Variants in KIF5A observed in about 807,000 individuals in gnomAD.
KIF5A encodes kinesin family member 5A, also known as kinesin heavy chain isoform 5A.
In KIF5A, 35 loss-of-function variants were observed where a neutral mutation model predicts 141.3. The ratio of observed to expected loss-of-function variants is 0.25; its 90% CI spans 0.19 to 0.33. The LOEUF is 0.33. Among genes scored for constraint, KIF5A ranks in the 10% least tolerant of loss-of-function variants. The pLI is 1.00. For synonymous variants in KIF5A, 448 were observed against 500.2 expected (o/e 0.90, Z 1.39); for missense variants, 861 against 1,314.3 (o/e 0.66, Z 5.33).
At chr12:57,575,581 T>C in intron 16 of KIF5A, 59 bp from the exon 17 acceptor site, 1 of 1,364,862 alleles carries the variant, frequency 7.3e-7, no homozygotes, top group South Asian at 1.2e-5. Flanking sequence ...GAGATCTGTG[T>C]GGCCTGGGTT....
At chr12:57,553,998 T>C (rs1407266450) in intron 1 of KIF5A, among the ~76,000 whole-genome samples, 7 of 152,156 alleles carry the variant, frequency 4.6e-5, no homozygotes, top group Non-Finnish European at 8.8e-5. Context: ...CAGAATTACA[T>C]ACTTCTGAAA....
At chr12:57,581,631 G>A (rs1195836055) in intron 25 of KIF5A, 63 bp downstream of exon 25, 2 of 1,571,040 alleles carry the variant, frequency 1.3e-6, no homozygotes, top group African/African-American at 1.4e-5. Flanking sequence ...AGAAGGCATA[G>A]GGTGGGGGCA....
intron 13 of KIF5A, 123 bp downstream of exon 13, chr12:57,571,512 CCT>C: frequency 1.1e-6 from 1 of 895,280 alleles, no homozygotes; most frequent in Non-Finnish European, 1.8e-6. Context: ...TAATCACTCC[CCT>C]AAACAGCAGA....
chr12:57,568,738 A>AT (rs947059069), intron 8 of KIF5A, among the ~76,000 whole-genome samples: 9 of 151,526 alleles, frequency 5.9e-5, no homozygotes, highest in African/African-American at 1.9e-4. Context: ...AAAAAAAAAA[A>AT]GGAATCATGT....
intron 28 of KIF5A, among the ~76,000 whole-genome samples, chr12:57,583,720 G>A (rs1882675880): frequency 6.6e-6 from 1 of 152,194 alleles, no homozygotes; most frequent in South Asian, 2.1e-4. Flanking sequence ...CCACCAGTAA[G>A]CTTTAGGAAA....
intron 13 of KIF5A, 83 bp from the exon 14 acceptor site, chr12:57,571,978 G>C: frequency 8.8e-7 from 1 of 1,133,304 alleles, no homozygotes. Context: ...TGGGTAGGGT[G>C]GGGGCTCAGC....
chr12:57,553,762 A>G (rs2140152629), intron 1 of KIF5A, among the ~76,000 whole-genome samples: 1 of 152,290 alleles, frequency 6.6e-6, no homozygotes, highest in East Asian at 1.9e-4. Context: ...AGGAGACACC[A>G]GGGAGGCTCG....
intron 1 of KIF5A, among the ~76,000 whole-genome samples, chr12:57,560,557 G>A (rs1484630117): frequency 6.6e-6 from 1 of 152,178 alleles, no homozygotes; most frequent in Non-Finnish European, 1.5e-5. Flanking sequence ...TTTGAGAGGT[G>A]AAAAGAAATT....
rs1236506833 is a variant in KIF5A at position 57,581,951 on chromosome 12, T to C, written c.2991T>C (p.Asn997=). 6.2e-7 allele frequency: 1 copy of C among 1,613,510 alleles called. No individual in the cohort carries two copies. Among genetic ancestry groups the C allele is most frequent in the Non-Finnish European group, 8.5e-7 (1 of 1,179,562 alleles). Residue 997 remains asparagine, a splice_region_variant and synonymous_variant, in exon 26 of 29, where the codon AAT becomes AAC. Transcript: ENST00000455537. ...LASYQKANMD[N]GNATDINDNR... ...CCTACCAGAAGGCCAACATGGACAA[T>C]GGTGAGTGAAAAAGATGGGTAATCC...
intron 8 of KIF5A, 84 bp downstream of exon 8, chr12:57,567,702 C>T: frequency 7.0e-7 from 1 of 1,432,502 alleles, no homozygotes; most frequent in Non-Finnish European, 9.2e-7. Context: ...ACTCTGTCGC[C>T]CGGGCTGGTT....
Position 57,563,435 on chromosome 12 carries a change from C to A in KIF5A, c.130-4C>A, listed in dbSNP as rs1881971388. 9 of 1,607,244 alleles carry A rather than the reference C, an allele frequency of 5.6e-6. No homozygotes were observed. Among genetic ancestry groups the A allele is most frequent in the Non-Finnish European group, 7.7e-6 (9 of 1,173,888 alleles). ...ACGTCTGATATCTTTTATTTTCATT[C>A]CAGGGGAAGCCATATGTTTTTGACC... is the stretch of plus-strand genomic sequence containing the variant. On this transcript the variant is annotated splice_polypyrimidine_tract_variant and splice_region_variant and intron_variant, in intron 1 of 28. Transcript: ENST00000455537.
intron 1 of KIF5A, among the ~76,000 whole-genome samples, chr12:57,552,885 T>C (rs1225184384): frequency 6.6e-6 from 1 of 152,070 alleles, no homozygotes; most frequent in African/African-American, 2.4e-5. Flanking sequence ...AGCGCTGAGC[T>C]TCAGAGTCCC....
rs1230110817 is a variant in KIF5A, at chr12:57,550,496, C to G, written c.129+96C>G. On this transcript the variant is annotated intron_variant, in intron 1 of 28. Coordinates refer to ENST00000455537, the MANE Select transcript of KIF5A (RefSeq NM_004984.4). This position sits in a 1 kb window ranked among gnomAD's most constrained non-coding sequence, Gnocchi z 4.6. ...TAGTCTCTGCTGGTCCCTTTGCTCC[C>G]CCTCCCCGCCGCTCATCCTTCATCC... 3.1e-6 allele frequency: 4 copies of G among 1,273,052 alleles called. 1 individual carries two copies. Among genetic ancestry groups the G allele is most frequent in the African/African-American group, 2.9e-5 (2 of 68,442 alleles). The allele number at this position is 1,273,052 out of a possible 1,614,324, so 78.9% of individuals were successfully genotyped here.
chr12:57,581,009 A>G lies in KIF5A; in HGVS notation c.2592A>G (p.Arg864=). 6.2e-7 allele frequency: 1 copy of G among 1,614,058 alleles called. No homozygotes were observed. The highest frequency in any genetic ancestry group is 1.1e-5 in the South Asian group (1 of 91,072). The change falls in exon 24 of 29, where the codon CGA becomes CGG. Residue 864 remains arginine, a synonymous_variant. Transcript: ENST00000455537. ...LRCELPKLEK[R]LRATAERVKA... is the part of the protein sequence containing the mutation. ...GTGAGCTTCCTAAATTGGAAAAACGACTTAGGGCTACGGCTGAGAGAGTTA... is the reference window on the plus strand; with the variant it reads ...GTGAGCTTCCTAAATTGGAAAAACGGCTTAGGGCTACGGCTGAGAGAGTTA...
chr12:57,571,260 T>A (rs1882246147), intron 12 of KIF5A, 61 bp from the exon 13 acceptor site: 1 of 1,042,488 alleles, frequency 9.6e-7, no homozygotes, highest in Non-Finnish European at 1.5e-6. Context: ...CCCAAACTTC[T>A]TACGTCTAAA....
chr12:57,550,455 GC>G lies in KIF5A; in HGVS notation c.129+61del. 1 of 1,586,054 alleles carries G rather than the reference GC, an allele frequency of 6.3e-7. No individual in the cohort carries two copies. The highest frequency in any genetic ancestry group is 2.2e-5 in the East Asian group (1 of 44,552). On this transcript the variant is annotated intron_variant, in intron 1 of 28. Transcript: ENST00000455537. This position sits in a 1 kb window ranked among gnomAD's most constrained non-coding sequence, Gnocchi z 4.6. ...AGGGGGCAGGTGGCTGAATCTCCCC[GC>G]CCCCCGCAGAGCCTTAGTCTCTGCT... is the stretch of plus-strand genomic sequence containing the variant.
chr12:57,571,425 G>T (rs1882252015), intron 13 of KIF5A, 36 bp downstream of exon 13: 1 of 1,609,708 alleles, frequency 6.2e-7, no homozygotes, highest in Non-Finnish European at 8.5e-7. Context: ...AGAGGAAAGG[G>T]GTTCTGTTCA....
Position 57,572,008 on chromosome 12 carries a change from A to G in KIF5A, c.1363-53A>G. The G allele has an allele frequency of 4.6e-6, 7 of 1,512,938 alleles. No homozygotes were observed. Among genetic ancestry groups the G allele is most frequent in the Non-Finnish European group, 5.5e-6 (6 of 1,096,222 alleles). 93.7% of individuals were successfully genotyped at this position (1,512,938 alleles called of 1,614,324 possible). ...CTCAGCTTCCCAGACCCAAGGCCATAGAAATGGTCACTGGCAGTGATCTTT... is the reference window on the plus strand; with the variant it reads ...CTCAGCTTCCCAGACCCAAGGCCATGGAAATGGTCACTGGCAGTGATCTTT... On this transcript the variant is annotated intron_variant, in intron 13 of 28. Coordinates refer to ENST00000455537, the MANE Select transcript of KIF5A (RefSeq NM_004984.4). The surrounding 1 kb of genome is among the most constrained non-coding windows in gnomAD (Gnocchi z 4.2).
rs139219656 is a variant in KIF5A, at chr12:57,560,968, T to C, written c.130-2471T>C. ...TTTCGCCACTGTACTCCAGCCTACA[T>C]GACAGATGAGACCCTGACTCAAGAA... On this transcript the variant is annotated intron_variant, in intron 1 of 28. Transcript: ENST00000455537. Among the ~76,000 whole-genome samples, 980 of 152,140 alleles carry C rather than the reference T, an allele frequency of 6.4e-3. 7 individuals are homozygous for C. Among genetic ancestry groups the C allele is most frequent in the African/African-American group, 0.023 (939 of 41,544 alleles).
Sources: allele counts gnomAD v4.1 joint callset (sites outside exome capture counted in the v4.1 genomes callset), GRCh38; gene constraint gnomAD v4.1.1; non-coding constraint Gnocchi (gnomAD v3.1); transcripts MANE v1.5; gene names NCBI Gene and HGNC (gene_info 2026-07-23, HGNC 2026-07-21).